TLE7: variants seen among roughly 807,000 people sequenced by gnomAD.
The protein encoded by TLE7 is transducin-like enhancer protein 7.
rs1374271671 is a variant in TLE7 at position 71,431,924 on chromosome 16, C to G, written c.688G>C (p.Val230Leu). 2.5e-6 allele frequency: 1 copy of G among 400,558 alleles called. No homozygotes were observed. The highest frequency in any genetic ancestry group is 2.1e-5 in the African/African-American group (1 of 48,614). The allele number at this position is 400,558 out of a possible 1,614,324, so 24.8% of individuals were successfully genotyped here. The change falls in exon 6 of 10, where the codon GTG becomes CTG. Residue 230 changes from valine (V) to leucine (L), a missense_variant. Val to Leu is a conservative substitution (Grantham distance 32). Transcript: ENST00000561754. The surrounding 1 kb of genome is among the most constrained non-coding windows in gnomAD (Gnocchi z 4.5). ...SLITGGASQA[V>L]TLWDLAPTPQ... Reference sequence around the variant, plus strand: ...GTGGGTGCCAAGTCCCAGAGAGTCACGGCCTGGGACGCACCCCCTGTGATC... The same window carrying G: ...GTGGGTGCCAAGTCCCAGAGAGTCAGGGCCTGGGACGCACCCCCTGTGATC...
intron 1 of TLE7, among the ~76,000 whole-genome samples, chr16:71,434,329 A>C (rs1168511210): frequency 6.6e-6 from 1 of 152,218 alleles, no homozygotes; most frequent in Non-Finnish European, 1.5e-5. Context: ...GGATTTAAGT[A>C]GACCAAATAC....
At chr16:71,440,438 A>G (rs572674045) in intron 1 of TLE7, among the ~76,000 whole-genome samples, 2 of 152,300 alleles carry the variant, frequency 1.3e-5, no homozygotes, top group South Asian at 2.1e-4. Flanking sequence ...AAATCGGGCG[A>G]CTGCACTCCA....
intron 1 of TLE7, among the ~76,000 whole-genome samples, chr16:71,435,510 G>A (rs1032331645): frequency 1.3e-5 from 2 of 152,228 alleles, no homozygotes; most frequent in Non-Finnish European, 2.9e-5. Flanking sequence ...AAACTGCAAT[G>A]TTCAGAAAAA....
Position 71,433,063 on chromosome 16 carries a change from C to A in TLE7, c.262G>T (p.Ala88Ser). 1 of 398,676 alleles carries A rather than the reference C, an allele frequency of 2.5e-6. No homozygotes were observed. The highest frequency in any genetic ancestry group is 3.6e-5 in the East Asian group (1 of 28,066). 24.7% of individuals were successfully genotyped at this position (398,676 alleles called of 1,614,324 possible). The change falls in exon 2 of 10, where the codon GCT becomes TCT. Residue 88 changes from alanine (A) to serine (S), a missense_variant. Ala to Ser is a moderately conservative substitution (Grantham distance 99). Transcript: ENST00000561754. The stretch of plus-strand genomic sequence containing the variant: ...CCTGGTTGTGCATCAGGGAGCCCAG[C>A]GGCCTGGAGCTCAGATCTACCCAGG... ...QGLGRSELQA[A>S]GLPDAQPGEA...
At position 71,432,693 on chromosome 16, in the gene TLE7, T is replaced by C. The variant is rs2042811627; in HGVS notation, c.365A>G (p.Glu122Gly). The change falls in exon 4 of 10, where the codon GAA becomes GGA. Residue 122 changes from glutamate to glycine, a missense_variant. Transcript: ENST00000561754. ...GQPYSSSSPS[E>G]EVLSLLRAIP... ...TGCTCTGAGCAATGAGAGGACTTCT[T>C]CACTGGGAGAGGAAGAAGAGTAAGG... 1 of 398,670 alleles carries C rather than the reference T, an allele frequency of 2.5e-6. No individual in the cohort carries two copies. Among genetic ancestry groups the C allele is most frequent in the Admixed American group, 4.4e-5 (1 of 22,732 alleles). 24.7% of individuals were successfully genotyped at this position (398,670 alleles called of 1,614,324 possible).
intron 1 of TLE7, among the ~76,000 whole-genome samples, chr16:71,437,064 A>C (rs2042828995): frequency 6.6e-6 from 1 of 150,936 alleles, no homozygotes; most frequent in Non-Finnish European, 1.5e-5. Context: ...ACATACAAAA[A>C]TTAACTGGGT....
intron 1 of TLE7, among the ~76,000 whole-genome samples, chr16:71,435,174 A>G (rs966713693): frequency 2.0e-5 from 3 of 152,224 alleles, no homozygotes; most frequent in Non-Finnish European, 2.9e-5. Flanking sequence ...GCACTTTGGG[A>G]GGCCGAGGCA....
chr16:71,433,086 A>C lies in TLE7; in HGVS notation c.239T>G (p.Leu80Arg). ...AGCGGCCTGGAGCTCAGATCTACCC[A>C]GGCCCTGGAGGTGCCACTGCTGCTG... ...VTQQQWHLQGLGRSELQAAGL... is the reference protein window; with the variant it reads ...VTQQQWHLQGRGRSELQAAGL... Residue 80 changes from leucine (L) to arginine (R), a missense_variant, in exon 2 of 10, where the codon CTG (leucine) becomes CGG (arginine). Coordinates refer to ENST00000561754, the MANE Select transcript of TLE7 (RefSeq NM_001367365.2). 2.5e-6 allele frequency: 1 copy of C among 398,746 alleles called. No individual in the cohort carries two copies. The highest frequency in any genetic ancestry group is 4.4e-6 in the Non-Finnish European group (1 of 226,208). The allele number at this position is 398,746 out of a possible 1,614,324, so 24.7% of individuals were successfully genotyped here. A position where few individuals can be genotyped will look rare whatever the true frequency, so the allele number is the denominator to read the frequency against.
At chr16:71,438,424 C>CAAAAAAA (rs11383356) in intron 1 of TLE7, among the ~76,000 whole-genome samples, 2 of 83,036 alleles carry the variant, frequency 2.4e-5, no homozygotes, top group African/African-American at 4.6e-5. Context: ...GACTCCATCT[C>CAAAAAAA]AAAAAAAAAA....
chr16:71,437,989 A>G (rs113562513), intron 1 of TLE7, among the ~76,000 whole-genome samples: 6 of 152,296 alleles, frequency 3.9e-5, no homozygotes, highest in African/African-American at 1.4e-4. Context: ...AGAGTCTTGG[A>G]TCTCACGCAG....
chr16:71,432,495 C>A (rs1028253544), intron 4 of TLE7, among the ~76,000 whole-genome samples, 170 bp from the exon 5 acceptor site: 1 of 152,198 alleles, frequency 6.6e-6, no homozygotes, highest in Non-Finnish European at 1.5e-5. Context: ...ACACTGTGAG[C>A]TGAAGACCCT....
At chr16:71,441,757 G>A (rs1337379417) in intron 1 of TLE7, among the ~76,000 whole-genome samples, 4 of 152,234 alleles carry the variant, frequency 2.6e-5, no homozygotes, top group Non-Finnish European at 4.4e-5. Context: ...CAGAGCCGAG[G>A]CCCAGGGTCA....
chr16:71,441,444 G>A (rs1165364303), intron 1 of TLE7, among the ~76,000 whole-genome samples: 1 of 152,234 alleles, frequency 6.6e-6, no homozygotes, highest in Non-Finnish European at 1.5e-5. Context: ...CGGCGTGCGC[G>A]GCCGGGCTTG....
intron 1 of TLE7, among the ~76,000 whole-genome samples, chr16:71,435,821 T>G (rs969951346): frequency 2.6e-5 from 4 of 152,226 alleles, no homozygotes; most frequent in African/African-American, 9.6e-5. Flanking sequence ...GTCAGGCTCC[T>G]CTAATTGGAG....
At chr16:71,439,382 A>G (rs1484970654) in intron 1 of TLE7, among the ~76,000 whole-genome samples, 1 of 152,090 alleles carries the variant, frequency 6.6e-6, no homozygotes, top group Non-Finnish European at 1.5e-5. Context: ...GGATTTTAGC[A>G]ATTGGGAGAA....
At chr16:71,435,753 T>C (rs2042823940) in intron 1 of TLE7, among the ~76,000 whole-genome samples, 1 of 152,220 alleles carries the variant, frequency 6.6e-6, no homozygotes, top group Admixed American at 6.5e-5. Flanking sequence ...TCACCCCAAA[T>C]GTTGATCCTC....
At chr16:71,441,038 A>G (rs944897654) in intron 1 of TLE7, among the ~76,000 whole-genome samples, 3 of 152,098 alleles carry the variant, frequency 2.0e-5, no homozygotes, top group Admixed American at 2.0e-4. Context: ...CGTCCCTGCC[A>G]TGGGAAGTTT....
chr16:71,436,931 C>T (rs2042828554), intron 1 of TLE7, among the ~76,000 whole-genome samples: 1 of 152,216 alleles, frequency 6.6e-6, no homozygotes. Flanking sequence ...CCCAGAAATT[C>T]TGATTCAGGG....
chr16:71,440,605 C>T (rs1877254138), intron 1 of TLE7, among the ~76,000 whole-genome samples: 1 of 152,206 alleles, frequency 6.6e-6, no homozygotes, highest in African/African-American at 2.4e-5. Flanking sequence ...TTCCTTCTTC[C>T]CCTTTAGCCA....
Sources: allele counts gnomAD v4.1 joint callset (sites outside exome capture counted in the v4.1 genomes callset), GRCh38; gene constraint gnomAD v4.1.1; non-coding constraint Gnocchi (gnomAD v3.1); transcripts MANE v1.5; gene names NCBI Gene and HGNC (gene_info 2026-07-23, HGNC 2026-07-21).